Variants in PLEKHH2 observed in about 807,000 individuals in gnomAD.
PLEKHH2 encodes pleckstrin homology domain-containing family H member 2.
PLEKHH2 carries 129 observed loss-of-function variants against 187.9 expected under a neutral mutation model. The observed-to-expected ratio is 0.69, with a 90% confidence interval of 0.59 to 0.79. The LOEUF (loss-of-function observed/expected upper bound fraction) is 0.79. Among genes scored for constraint, PLEKHH2 ranks in the 30% least tolerant of loss-of-function variants. The pLI, the probability that PLEKHH2 is intolerant of heterozygous loss-of-function variation, is 0.00. For synonymous variants in PLEKHH2, 686 were observed against 605.6 expected, an observed-to-expected ratio of 1.13 and a Z score of -1.95; for missense variants, 2,076 against 1,751.2, an observed-to-expected ratio of 1.19 and a Z score of -3.31.
intron 3 of PLEKHH2, among the ~76,000 whole-genome samples, chr2:43,683,809 CCATTGATTACCTTGTTTAAAT>C (rs1668362049): frequency 6.6e-6 from 1 of 151,620 alleles, no homozygotes; most frequent in South Asian, 2.1e-4. Context: ...ATATTAGCAG[CCATTGATTACCTTGTTTAAAT>C]CAATGATTTC....
intron 2 of PLEKHH2, among the ~76,000 whole-genome samples, chr2:43,672,358 A>T (rs780695418): frequency 6.6e-6 from 1 of 152,024 alleles, no homozygotes; most frequent in Non-Finnish European, 1.5e-5. Context: ...CTCTATTTTT[A>T]TGTTTTTAAT....
intron 3 of PLEKHH2, chr2:43,680,710 G>T: frequency 2.4e-6 from 1 of 415,796 alleles, no homozygotes. Flanking sequence ...GCCTTCCGAA[G>T]GAAATTTATC....
At chr2:43,698,544 C>T (rs12621907) in intron 7 of PLEKHH2, among the ~76,000 whole-genome samples, 21,510 of 152,118 alleles carry the variant, frequency 0.14, 1,620 homozygotes, top group Middle Eastern at 0.23. Flanking sequence ...CCACTGCACC[C>T]GGCCTACTTG....
intron 2 of PLEKHH2, chr2:43,675,445 A>G (rs1247267615): frequency 5.0e-6 from 8 of 1,613,116 alleles, no homozygotes; most frequent in South Asian, 1.1e-5. Context: ...AAATGCCCTG[A>G]GCCGGTACAG....
At chr2:43,763,836 T>C (rs1402410598) in intron 28 of PLEKHH2, among the ~76,000 whole-genome samples, 3 of 152,182 alleles carry the variant, frequency 2.0e-5, no homozygotes, top group Non-Finnish European at 2.9e-5. Context: ...GATTTACCAA[T>C]ACTTGACCAT....
intron 24 of PLEKHH2, among the ~76,000 whole-genome samples, chr2:43,747,511 G>C (rs1671831207): frequency 6.6e-6 from 1 of 152,216 alleles, no homozygotes; most frequent in East Asian, 1.9e-4. Flanking sequence ...TTGAGAAAAT[G>C]CCGGAGACTC....
intron 5 of PLEKHH2, 68 bp downstream of exon 5, chr2:43,694,582 T>G (rs1357410816): frequency 6.2e-6 from 9 of 1,443,306 alleles, no homozygotes; most frequent in Non-Finnish European, 8.3e-6. Context: ...ATCATCAGAA[T>G]ATGTGATTAC....
chr2:43,651,164 C>G (rs55690541), intron 2 of PLEKHH2, among the ~76,000 whole-genome samples: 1 of 116,158 alleles, frequency 8.6e-6, no homozygotes. Flanking sequence ...TTCATTCATT[C>G]ATTCATTTAT....
chr2:43,746,346 C>T (rs897434651), intron 24 of PLEKHH2, among the ~76,000 whole-genome samples: 6 of 152,116 alleles, frequency 3.9e-5, no homozygotes, highest in Non-Finnish European at 8.8e-5. Flanking sequence ...CCCGCCTCTA[C>T]TAAAAATACA....
intron 23 of PLEKHH2, among the ~76,000 whole-genome samples, chr2:43,745,101 G>A (rs1208769240): frequency 2.0e-5 from 3 of 152,004 alleles, no homozygotes; most frequent in Non-Finnish European, 4.4e-5. Context: ...ATCATTTGAG[G>A]TCAGGAGTTC....
At chr2:43,764,506 C>T (rs967164927) in intron 29 of PLEKHH2, 141 bp downstream of exon 29, 35 of 833,668 alleles carry the variant, frequency 4.2e-5, no homozygotes, top group South Asian at 2.2e-4. Flanking sequence ...GGAAAACAGA[C>T]GTTATTTATA....
intron 18 of PLEKHH2, among the ~76,000 whole-genome samples, chr2:43,730,149 T>C (rs1670968745): frequency 6.6e-6 from 1 of 152,202 alleles, no homozygotes; most frequent in Admixed American, 6.5e-5. Flanking sequence ...CTTAATTCTT[T>C]TATAGCAAGC....
chr2:43,740,692 G>A (rs554201093), intron 20 of PLEKHH2: 49 of 350,178 alleles, frequency 1.4e-4, no homozygotes, highest in Middle Eastern at 8.8e-4. Flanking sequence ...TCAAAAAGGA[G>A]CACCTTGTCT....
intron 3 of PLEKHH2, among the ~76,000 whole-genome samples, chr2:43,685,348 GAA>G (rs976934182): frequency 9.2e-5 from 14 of 152,126 alleles, no homozygotes; most frequent in African/African-American, 3.4e-4. Context: ...ATTGTCTGCA[GAA>G]AAAAAGTCAC....
At chr2:43,728,579 T>TAAAAAA (rs374113619) in intron 17 of PLEKHH2, among the ~76,000 whole-genome samples, 1 of 142,694 alleles carries the variant, frequency 7.0e-6, no homozygotes, top group African/African-American at 2.6e-5. Flanking sequence ...TTTTTTTTTT[T>TAAAAAA]AAAACAGAGT....
chr2:43,721,220 A>G (rs1202384962), intron 16 of PLEKHH2, among the ~76,000 whole-genome samples: 1 of 152,172 alleles, frequency 6.6e-6, no homozygotes. Context: ...CCCCTCCCCA[A>G]AAGAATCTGA....
intron 26 of PLEKHH2, 66 bp from the exon 27 acceptor site, chr2:43,758,834 G>T: frequency 3.6e-6 from 5 of 1,377,754 alleles, no homozygotes; most frequent in Non-Finnish European, 3.9e-6. Context: ...TTTATCTTAA[G>T]ACTATGACAC....
chr2:43,666,220 G>C (rs1478952239), intron 2 of PLEKHH2, among the ~76,000 whole-genome samples: 2 of 150,574 alleles, frequency 1.3e-5, no homozygotes, highest in Non-Finnish European at 2.9e-5. Flanking sequence ...GTATTCGGGT[G>C]GGAGTGACCC....
intron 3 of PLEKHH2, chr2:43,681,609 C>G (rs987405482): frequency 1.4e-6 from 1 of 720,318 alleles, no homozygotes; most frequent in Non-Finnish European, 2.4e-6. Context: ...TGGAGCTGTA[C>G]ACGATATGAC....
Sources: gnomAD v4.1 joint callset for allele counts (sites outside exome capture counted in the v4.1 genomes callset) on GRCh38, gnomAD v4.1.1 for gene constraint, MANE v1.5 for transcripts, NCBI Gene and HGNC (gene_info 2026-07-23, HGNC 2026-07-21) for gene names.